The following MCTP1 variants were observed in gnomAD, a reference collection of about 807,000 sequenced individuals.
MCTP1 encodes multiple C2 and transmembrane domain containing 1.
MCTP1 carries 69 observed loss-of-function variants against 120.6 expected under a neutral mutation model. The observed-to-expected ratio is 0.57, with a 90% CI of 0.47 to 0.70. The LOEUF is 0.70. Among genes scored for constraint, MCTP1 ranks in the 30% least tolerant of loss-of-function variants. The probability of loss-of-function intolerance (pLI) is 0.00; values close to 1 mark genes in which losing one functional copy is unlikely to be tolerated. For synonymous variants in MCTP1, 529 were observed against 493.1 expected (o/e 1.07, Z -0.96); for missense variants, 1,203 against 1,248.8 (o/e 0.96, Z 0.55).
chr5:94,837,851 G>C (rs1326608110), intron 17 of MCTP1, among the ~76,000 whole-genome samples: 1 of 152,174 alleles, frequency 6.6e-6, no homozygotes. Flanking sequence ...TAAGGCTAAA[G>C]TATTAATTTA....
intron 1 of MCTP1, among the ~76,000 whole-genome samples, chr5:95,226,940 C>T (rs577287047): frequency 3.3e-5 from 5 of 152,136 alleles, no homozygotes; most frequent in South Asian, 2.1e-4. Context: ...CAAAATACAA[C>T]GGGATTTTAG....
chr5:95,011,300 T>A (rs1835887681), intron 2 of MCTP1, among the ~76,000 whole-genome samples: 1 of 152,176 alleles, frequency 6.6e-6, no homozygotes, highest in South Asian at 2.1e-4. Flanking sequence ...CAATTCTCCC[T>A]TCCACGTTTT....
chr5:94,783,035 C>T (rs886508009), intron 18 of MCTP1, among the ~76,000 whole-genome samples: 17 of 152,036 alleles, frequency 1.1e-4, no homozygotes, highest in African/African-American at 3.6e-4. Context: ...GTAATGCAAG[C>T]AGTTAAAAGT....
At chr5:94,939,138 A>AT (rs147927914) in intron 5 of MCTP1, among the ~76,000 whole-genome samples, 4,851 of 152,128 alleles carry the variant, frequency 0.032, 174 homozygotes, top group African/African-American at 0.087. Context: ...GAAAGGGTGA[A>AT]TTTTTCAATG....
intron 1 of MCTP1, among the ~76,000 whole-genome samples, chr5:95,073,507 G>A (rs372279090): frequency 1.8e-4 from 28 of 152,068 alleles, no homozygotes; most frequent in African/African-American, 6.5e-4. Context: ...CCCAGCATAG[G>A]GTGTTCTGTG....
intron 1 of MCTP1, among the ~76,000 whole-genome samples, chr5:95,199,559 T>C (rs1750762516): frequency 1.3e-5 from 2 of 152,106 alleles, no homozygotes; most frequent in African/African-American, 2.4e-5. Flanking sequence ...ATGGCTATTA[T>C]GAAAAAGACA....
At chr5:94,752,014 C>T (rs1054540027) in intron 19 of MCTP1, among the ~76,000 whole-genome samples, 5 of 147,342 alleles carry the variant, frequency 3.4e-5, no homozygotes, top group South Asian at 2.2e-4. Flanking sequence ...TGCTAAATGA[C>T]GAGTTAATGG....
chr5:95,113,186 T>C (rs907076027), intron 1 of MCTP1, among the ~76,000 whole-genome samples: 3 of 151,850 alleles, frequency 2.0e-5, no homozygotes, highest in African/African-American at 4.8e-5. Flanking sequence ...AAGCAGCCTC[T>C]ATAACTAAAA....
At chr5:94,933,162 G>A (rs967232034) in intron 5 of MCTP1, among the ~76,000 whole-genome samples, 1 of 151,568 alleles carries the variant, frequency 6.6e-6, no homozygotes, top group Non-Finnish European at 1.5e-5. Flanking sequence ...GATTTCCTAA[G>A]GTTACAATGA....
rs1314021970 is a variant in MCTP1 at position 95,017,251 on chromosome 5, G to C, written c.838+116C>G. On this transcript the variant is annotated intron_variant, in intron 2 of 22. Coordinates refer to ENST00000515393, the MANE Select transcript of MCTP1 (RefSeq NM_024717.7). ...TGTCAAACTGTGTCTTTGAATTCAA[G>C]CTTCTAAAAATTATATTCTAGTTAA... The C allele has an allele frequency of 7.1e-6, 4 of 564,042 alleles. No homozygotes were observed. The Admixed American group carries it at 1.1e-4, about 16-fold the overall frequency. The allele number at this position is 564,042 out of a possible 1,614,324, so 34.9% of individuals were successfully genotyped here.
At chr5:94,731,632 A>G (rs1763146949) in intron 19 of MCTP1, among the ~76,000 whole-genome samples, 1 of 152,226 alleles carries the variant, frequency 6.6e-6, no homozygotes, top group Admixed American at 6.5e-5. Flanking sequence ...TTCCTCAAAC[A>G]TACTGTGCAG....
chr5:94,731,126 T>A (rs887263316), intron 19 of MCTP1, among the ~76,000 whole-genome samples: 1 of 152,196 alleles, frequency 6.6e-6, no homozygotes. Flanking sequence ...AACAAATTTT[T>A]TTTGGTATAG....
rs1419128490 is a variant in MCTP1 at position 95,247,878 on chromosome 5, G to A, written c.720+35978C>T. Reference sequence around the variant, plus strand: ...AGAATGTATGATCTGTTGATTTGGGGTATAGAGTTCTGTAGATATCTATTA... The same window carrying A: ...AGAATGTATGATCTGTTGATTTGGGATATAGAGTTCTGTAGATATCTATTA... On this transcript the variant is annotated intron_variant, in intron 1 of 22. Transcript: ENST00000515393. Among the ~76,000 whole-genome samples, 13 of 152,272 alleles carry A rather than the reference G, an allele frequency of 8.5e-5. No individual in the cohort carries two copies. The East Asian group carries it at 2.3e-3, about 27-fold the overall frequency.
intron 17 of MCTP1, chr5:94,826,772 C>CTTTTTTTTTTTTTTTTTTTTTTT: frequency 2.3e-5 from 1 of 42,880 alleles, no homozygotes; most frequent in Non-Finnish European, 3.5e-5. Context: ...GTGACCCCTG[C>CTTTTTTTTTTTTTTTTTTTTTTT]TTTTTTTTTT....
intron 4 of MCTP1, among the ~76,000 whole-genome samples, chr5:94,941,918 G>A (rs986251936): frequency 5.9e-5 from 9 of 152,068 alleles, no homozygotes; most frequent in East Asian, 1.9e-4. Flanking sequence ...ACCATGGCTC[G>A]AGTGACAAGA....
At chr5:95,108,762 G>A (rs1757268894) in intron 1 of MCTP1, among the ~76,000 whole-genome samples, 1 of 152,132 alleles carries the variant, frequency 6.6e-6, no homozygotes, top group African/African-American at 2.4e-5. Context: ...ATACCTAGTG[G>A]ATGCTGATAA....
intron 19 of MCTP1, among the ~76,000 whole-genome samples, chr5:94,746,234 A>G (rs1011993774): frequency 1.3e-5 from 2 of 152,214 alleles, no homozygotes; most frequent in African/African-American, 4.8e-5. Flanking sequence ...CACTGGGTAG[A>G]CAATATCCGC....
At chr5:94,923,688 C>T (rs1812273460) in intron 7 of MCTP1, among the ~76,000 whole-genome samples, 2 of 152,060 alleles carry the variant, frequency 1.3e-5, no homozygotes. Context: ...CCTGGAGAGT[C>T]CCTGGGACTC....
chr5:95,048,204 T>C (rs922559989), intron 1 of MCTP1, among the ~76,000 whole-genome samples: 5 of 152,190 alleles, frequency 3.3e-5, no homozygotes, highest in African/African-American at 4.8e-5. Flanking sequence ...CTTTTTAATC[T>C]TTTTTAGCCA....
Sources: allele counts gnomAD v4.1 joint callset (sites outside exome capture counted in the v4.1 genomes callset), GRCh38; gene constraint gnomAD v4.1.1; transcripts MANE v1.5; gene names NCBI Gene and HGNC (gene_info 2026-07-23, HGNC 2026-07-21).